The following PKN2 variants were observed in gnomAD, a reference collection of about 807,000 sequenced individuals.
PKN2 encodes serine/threonine-protein kinase N2.
Under a neutral mutation model 119.1 loss-of-function variants are expected in PKN2, and 38 were observed. That is an observed-to-expected ratio of 0.32 (90% CI 0.25 to 0.42). PKN2 has a LOEUF of 0.42. Among genes scored for constraint, PKN2 ranks in the 10% least tolerant of loss-of-function variants. The pLI, the probability that PKN2 is intolerant of heterozygous loss-of-function variation, is 1.00. For synonymous variants in PKN2, 390 were observed against 384.9 expected (o/e 1.01, Z -0.15); for missense variants, 850 against 1,165.1 (o/e 0.73, Z 3.94).
intron 6 of PKN2, among the ~76,000 whole-genome samples, chr1:88,781,955 C>T (rs1347147510): frequency 2.0e-5 from 3 of 152,112 alleles, no homozygotes; most frequent in African/African-American, 4.8e-5. Flanking sequence ...GACACTCCAC[C>T]TCCCAACGTT....
intron 1 of PKN2, among the ~76,000 whole-genome samples, chr1:88,708,459 TTGA>T (rs1311807614): frequency 6.6e-6 from 1 of 152,168 alleles, no homozygotes; most frequent in East Asian, 1.9e-4. Flanking sequence ...AATATATGAC[TTGA>T]TGATACAATA....
chr1:88,813,458 A>T, intron 15 of PKN2, 99 bp from the exon 16 acceptor site: 2 of 794,432 alleles, frequency 2.5e-6, no homozygotes, highest in Non-Finnish European at 3.8e-6. Flanking sequence ...AGTTATAGTT[A>T]AAATTTTGCT....
chr1:88,813,690 A>G lies in PKN2; in HGVS notation c.2236A>G (p.Met746Val). ...GGAATATGCTGCCGGTGGGGACCTA[A>G]TGATGCACATTCATACTGATGTCTT... is the stretch of plus-strand genomic sequence containing the variant. ...VMEYAAGGDL[M>V]MHIHTDVFSE... Residue 746 changes from methionine (M) to valine (V), a missense_variant, in exon 16 of 22, where the codon ATG becomes GTG. Met to Val is a conservative substitution (Grantham distance 21). This residue lies in a region of PKN2 where 55 missense variants were observed against 85.9 expected (regional missense o/e 0.64). Coordinates refer to ENST00000370521, the MANE Select transcript of PKN2 (RefSeq NM_006256.4). 6.2e-7 allele frequency: 1 copy of G among 1,607,344 alleles called. No homozygotes were observed. The highest frequency in any genetic ancestry group is 8.5e-7 in the Non-Finnish European group (1 of 1,177,798).
intron 3 of PKN2, among the ~76,000 whole-genome samples, chr1:88,766,599 T>G (rs987859581): frequency 1.3e-4 from 20 of 152,200 alleles, no homozygotes; most frequent in Non-Finnish European, 2.9e-4. Context: ...CATATAAAAT[T>G]GCTGTTTTTT....
intron 2 of PKN2, among the ~76,000 whole-genome samples, chr1:88,744,523 T>A (rs1315588265): frequency 6.6e-6 from 1 of 152,152 alleles, no homozygotes; most frequent in Non-Finnish European, 1.5e-5. Flanking sequence ...CGGGTTCAAG[T>A]GATTCTCCTG....
In PKN2 at chr1:88,833,147, C is replaced by G; in HGVS notation, c.2741C>G (p.Pro914Arg). The change falls in exon 21 of 22, where the codon CCA becomes CGA. Residue 914 changes from proline (P) to arginine (R), a missense_variant. By Grantham distance (103) the Pro-to-Arg change is moderately radical. Coordinates refer to ENST00000370521, the MANE Select transcript of PKN2 (RefSeq NM_006256.4). ...GATGCAGAGGATGTAAAAAAGCACC[C>G]ATTTTTCCGGGTAAGTGTGACTATT... is the stretch of plus-strand genomic sequence containing the variant. ...EKDAEDVKKH[P>R]FFRLIDWSAL... 6.2e-7 allele frequency: 1 copy of G among 1,612,748 alleles called. No homozygotes were observed. Among genetic ancestry groups the G allele is most frequent in the Non-Finnish European group, 8.5e-7 (1 of 1,179,236 alleles).
chr1:88,743,963 T>C (rs1668670775), intron 2 of PKN2, among the ~76,000 whole-genome samples: 1 of 152,166 alleles, frequency 6.6e-6, no homozygotes, highest in African/African-American at 2.4e-5. Context: ...CTTCAGTTTG[T>C]TTAGAATAAA....
intron 1 of PKN2, among the ~76,000 whole-genome samples, chr1:88,729,075 G>C (rs936841130): frequency 5.9e-5 from 9 of 151,870 alleles, no homozygotes; most frequent in African/African-American, 2.2e-4. Flanking sequence ...TGTATTTTTA[G>C]TAGAGATGGG....
intron 17 of PKN2, among the ~76,000 whole-genome samples, chr1:88,823,155 GGCTGCAGTGA>G (rs1343531040): frequency 1.3e-5 from 2 of 152,184 alleles, no homozygotes; most frequent in East Asian, 1.9e-4. Context: ...GGGAGGTCAA[GGCTGCAGTGA>G]GCCGTGATTA....
chr1:88,830,121 T>C (rs2100934463), intron 19 of PKN2, among the ~76,000 whole-genome samples: 1 of 152,246 alleles, frequency 6.6e-6, no homozygotes, highest in Admixed American at 6.5e-5. Context: ...CACAAAGAGA[T>C]TAATGACTTG....
chr1:88,757,819 G>A (rs113636139), intron 2 of PKN2, among the ~76,000 whole-genome samples: 10,123 of 151,792 alleles, frequency 0.067, 674 homozygotes, highest in African/African-American at 0.18. Flanking sequence ...GAGGTAGGTG[G>A]ATCATGAGGT....
At chr1:88,732,891 G>T (rs922081030) in intron 1 of PKN2, among the ~76,000 whole-genome samples, 7 of 152,078 alleles carry the variant, frequency 4.6e-5, no homozygotes, top group African/African-American at 7.2e-5. Flanking sequence ...AGGACACTAA[G>T]CCAGGCACAG....
At chr1:88,807,823 A>G in intron 15 of PKN2, 48 bp downstream of exon 15, 3 of 1,121,404 alleles carry the variant, frequency 2.7e-6, no homozygotes, top group Non-Finnish European at 4.0e-6. Flanking sequence ...TTTGTAAGTT[A>G]AGAGAAATGA....
At chr1:88,780,047 T>C (rs1670271846) in intron 6 of PKN2, among the ~76,000 whole-genome samples, 1 of 152,108 alleles carries the variant, frequency 6.6e-6, no homozygotes, top group Non-Finnish European at 1.5e-5. Context: ...GTTGTGTATT[T>C]ATGAAGCTGG....
At chr1:88,812,571 T>G (rs1671820199) in intron 15 of PKN2, among the ~76,000 whole-genome samples, 1 of 152,002 alleles carries the variant, frequency 6.6e-6, no homozygotes, top group South Asian at 2.1e-4. Context: ...GAGACCCTGT[T>G]CCTATCAAAA....
At chr1:88,818,312 A>G (rs1010165792) in intron 16 of PKN2, among the ~76,000 whole-genome samples, 2 of 152,344 alleles carry the variant, frequency 1.3e-5, no homozygotes, top group Non-Finnish European at 2.9e-5. Context: ...ATTCAATGCT[A>G]TCCCCATTAA....
At chr1:88,822,241 A>G (rs1276915496) in intron 17 of PKN2, among the ~76,000 whole-genome samples, 2 of 152,144 alleles carry the variant, frequency 1.3e-5, no homozygotes, top group African/African-American at 2.4e-5. Context: ...GAGTTGGTCT[A>G]TGATAGTGCA....
At chr1:88,704,020 CA>C (rs1666872965) in intron 1 of PKN2, among the ~76,000 whole-genome samples, 1 of 152,036 alleles carries the variant, frequency 6.6e-6, no homozygotes. Flanking sequence ...AAATTTCACA[CA>C]TTTAAAATAT....
intron 6 of PKN2, among the ~76,000 whole-genome samples, chr1:88,776,123 AT>A (rs1296206186): frequency 6.6e-6 from 1 of 151,182 alleles, no homozygotes; most frequent in African/African-American, 2.4e-5. Flanking sequence ...AAAAAAAAAA[AT>A]ACTGGCTTCT....
Sources: gnomAD v4.1 joint callset for allele counts (sites outside exome capture counted in the v4.1 genomes callset) on GRCh38, gnomAD v4.1.1 for gene constraint, gnomAD v4.1.1 regional missense constraint, MANE v1.5 for transcripts, NCBI Gene and HGNC (gene_info 2026-07-23, HGNC 2026-07-21) for gene names.